BACH2: variants seen among roughly 807,000 people sequenced by gnomAD.
The protein encoded by BACH2 is BACH transcriptional regulator 2, also known as transcription regulator protein BACH2.
A neutral mutation model predicts 61.8 loss-of-function variants in BACH2; 5 were observed. The observed-to-expected ratio is 0.08, with a 90% confidence interval of 0.04 to 0.17. The LOEUF (loss-of-function observed/expected upper bound fraction) is 0.17, where lower values mean the gene tolerates loss of function less well. BACH2 is among the 10% of genes least tolerant of loss of function. The pLI is 1.00. For synonymous variants in BACH2, 446 were observed against 440.1 expected (o/e 1.01, Z -0.17); for missense variants, 824 against 1,091.1 (o/e 0.76, Z 3.45).
rs544819166 is a variant in BACH2 at position 90,216,976 on chromosome 6, T to C, written c.-274-10295A>G. ...GACGGGGAGGGAACATTCAAGGATA[T>C]GGGTAGACTTAAAATCATGCCAACT... On this transcript the variant is annotated intron_variant, in intron 3 of 8. Coordinates refer to ENST00000257749, the MANE Select transcript of BACH2 (RefSeq NM_021813.4). Among the ~76,000 whole-genome samples the C allele has an allele frequency of 3.9e-5, 6 of 152,272 alleles. No homozygotes were observed. The East Asian group carries it at 9.6e-4, about 24-fold the overall frequency.
At chr6:89,995,420 C>T (rs1488292470) in intron 6 of BACH2, among the ~76,000 whole-genome samples, 4 of 152,280 alleles carry the variant, frequency 2.6e-5, no homozygotes, top group East Asian at 1.9e-4. Context: ...TGGCTGTCAG[C>T]GAAGGGTATT....
chr6:90,084,538 GT>G lies in BACH2; in HGVS notation c.-13+4422del, dbSNP rs58667089. ...TCCTCTACAAAAATCTTTAATTCCA[GT>G]TTTTTTTTTTTTTTGGTATCTCAGC... On this transcript the variant is annotated intron_variant, in intron 5 of 8. Coordinates refer to ENST00000257749, the MANE Select transcript of BACH2 (RefSeq NM_021813.4). 7.6e-3 allele frequency among the ~76,000 whole-genome samples: 1,050 copies of G among 138,660 alleles called. 44 individuals are homozygous for G. In the East Asian group the frequency reaches 0.14, roughly 18 times the overall value. The allele number at this position is 138,660 out of a possible 152,430, so 91.0% of individuals were successfully genotyped here.
In BACH2 at chr6:89,932,231, T is replaced by C; in HGVS notation, c.*177A>G. 1.2e-6 allele frequency: 1 copy of C among 833,740 alleles called. No individual in the cohort carries two copies. Among genetic ancestry groups the C allele is most frequent in the Non-Finnish European group, 1.9e-6 (1 of 532,424 alleles). 51.6% of individuals were successfully genotyped at this position (833,740 alleles called of 1,614,324 possible). A position where few individuals can be genotyped will look rare whatever the true frequency, so the allele number is the denominator to read the frequency against. On this transcript the variant is annotated 3_prime_UTR_variant, in exon 9 of 9. Transcript: ENST00000257749. ...GGTAGCACCATTGTGAAGGTAACTATCACTCCTGCTCGAGAAGAGGAGAGG... is the reference window on the plus strand; with the variant it reads ...GGTAGCACCATTGTGAAGGTAACTACCACTCCTGCTCGAGAAGAGGAGAGG...
chr6:90,227,454 A>C (rs1168219365), intron 3 of BACH2, among the ~76,000 whole-genome samples: 1 of 152,234 alleles, frequency 6.6e-6, no homozygotes, highest in African/African-American at 2.4e-5. Flanking sequence ...AAAACAGCTC[A>C]CAAAATGAGG....
At chr6:90,249,984 G>C (rs1171812632) in intron 3 of BACH2, among the ~76,000 whole-genome samples, 1 of 152,212 alleles carries the variant, frequency 6.6e-6, no homozygotes, top group East Asian at 1.9e-4. Context: ...CCCACCCACA[G>C]AGTTTTGGCC....
chr6:90,111,477 G>A (rs2127816162), intron 4 of BACH2, among the ~76,000 whole-genome samples: 1 of 152,332 alleles, frequency 6.6e-6, no homozygotes, highest in East Asian at 1.9e-4. Context: ...GGCCCTGGCT[G>A]CCCCTATTTT....
chr6:90,130,353 C>T (rs571531513), intron 4 of BACH2, among the ~76,000 whole-genome samples: 12 of 152,346 alleles, frequency 7.9e-5, no homozygotes, highest in African/African-American at 2.9e-4. Context: ...AGCTAGGATG[C>T]ACTGGTCCTA....
At chr6:90,128,660 C>T (rs1394610758) in intron 4 of BACH2, among the ~76,000 whole-genome samples, 3 of 152,286 alleles carry the variant, frequency 2.0e-5, no homozygotes, top group Non-Finnish European at 4.4e-5. Flanking sequence ...GTGGTGATTG[C>T]TCAGGGATCT....
At chr6:90,279,495 C>G (rs1386067645) in intron 1 of BACH2, among the ~76,000 whole-genome samples, 1 of 145,410 alleles carries the variant, frequency 6.9e-6, no homozygotes, top group African/African-American at 2.6e-5. Flanking sequence ...TGCACTCCAG[C>G]CTGGGCGACA....
At chr6:90,027,053 C>T (rs1190753417) in intron 5 of BACH2, among the ~76,000 whole-genome samples, 3 of 152,068 alleles carry the variant, frequency 2.0e-5, no homozygotes, top group Non-Finnish European at 4.4e-5. Flanking sequence ...CACCTGAAAC[C>T]CACTCCTGTT....
intron 1 of BACH2, among the ~76,000 whole-genome samples, chr6:90,276,809 T>C (rs886816015): frequency 1.3e-5 from 2 of 152,112 alleles, no homozygotes; most frequent in Non-Finnish European, 2.9e-5. Context: ...ACACCTTAGT[T>C]TTCCACTATC....
intron 4 of BACH2, among the ~76,000 whole-genome samples, chr6:90,104,012 C>T (rs1235932159): frequency 1.3e-5 from 2 of 152,138 alleles, no homozygotes; most frequent in Non-Finnish European, 2.9e-5. Flanking sequence ...GACAAAGTGG[C>T]AAAGAGGGGG....
chr6:90,012,822 C>T (rs1027520485), intron 5 of BACH2, among the ~76,000 whole-genome samples: 7 of 151,948 alleles, frequency 4.6e-5, no homozygotes, highest in African/African-American at 7.2e-5. Flanking sequence ...CATGTGCCAC[C>T]GTGCTTGGTC....
At chr6:89,937,704 T>C (rs762783008) in intron 8 of BACH2, among the ~76,000 whole-genome samples, 61 of 152,300 alleles carry the variant, frequency 4.0e-4, no homozygotes, top group Middle Eastern at 3.4e-3. Flanking sequence ...TAATTTTTTG[T>C]ATCTTTAGTA....
chr6:90,288,076 A>G (rs562872278), intron 1 of BACH2, among the ~76,000 whole-genome samples: 42 of 152,300 alleles, frequency 2.8e-4, no homozygotes, highest in Non-Finnish European at 5.7e-4. Context: ...AAATGTATGA[A>G]AAGGAAGGGT....
chr6:89,962,451 TG>T (rs764376431), intron 6 of BACH2, among the ~76,000 whole-genome samples: 2 of 152,226 alleles, frequency 1.3e-5, no homozygotes, highest in Non-Finnish European at 2.9e-5. Context: ...AATTCATTTT[TG>T]TTTTCTGTGG....
intron 8 of BACH2, among the ~76,000 whole-genome samples, chr6:89,933,909 C>T (rs1286762797): frequency 6.6e-6 from 1 of 152,050 alleles, no homozygotes; most frequent in African/African-American, 2.4e-5. Flanking sequence ...TCACTTGTGC[C>T]CGGGTGGTGG....
At chr6:90,257,097 T>C (rs1292329941) in intron 2 of BACH2, among the ~76,000 whole-genome samples, 1 of 152,246 alleles carries the variant, frequency 6.6e-6, no homozygotes, top group African/African-American at 2.4e-5. Context: ...TGTGGTATAC[T>C]TACAGCCACT....
chr6:90,063,569 G>A (rs1780796742), intron 5 of BACH2, among the ~76,000 whole-genome samples: 1 of 152,166 alleles, frequency 6.6e-6, no homozygotes, highest in Non-Finnish European at 1.5e-5. Flanking sequence ...GATACCCACA[G>A]GTGATTTTAG....
Sources: gnomAD v4.1 joint callset for allele counts (sites outside exome capture counted in the v4.1 genomes callset) on GRCh38, gnomAD v4.1.1 for gene constraint, MANE v1.5 for transcripts, NCBI Gene and HGNC (gene_info 2026-07-23, HGNC 2026-07-21) for gene names.